CWC22: variants seen among roughly 807,000 people sequenced by gnomAD.
CWC22 encodes CWC22 spliceosome associated protein.
CWC22 carries 53 observed loss-of-function variants against 117.2 expected under a neutral mutation model. The observed-to-expected ratio is 0.45, with a 90% confidence interval of 0.36 to 0.57. CWC22 has a LOEUF of 0.57. CWC22 is among the 20% of genes least tolerant of loss of function. The probability of loss-of-function intolerance (pLI) is 0.00; values close to 1 mark genes in which losing one functional copy is unlikely to be tolerated. For missense variants in CWC22, 980 were observed against 1,068.8 expected, an observed-to-expected ratio of 0.92 and a Z score of 1.16; for synonymous variants, 360 against 355.6, an observed-to-expected ratio of 1.01 and a Z score of -0.14.
chr2:179,978,474 T>C (rs1369576477), intron 5 of CWC22, among the ~76,000 whole-genome samples, 156 bp from the exon 6 acceptor site: 2 of 147,600 alleles, frequency 1.4e-5, no homozygotes, highest in East Asian at 2.0e-4. Context: ...TCAGGATAAA[T>C]AGATTATATC....
intron 12 of CWC22, 55 bp downstream of exon 12, chr2:179,965,823 T>A (rs1374061946): frequency 8.0e-7 from 1 of 1,255,748 alleles, no homozygotes; most frequent in Non-Finnish European, 1.1e-6. Context: ...GAAGATTACA[T>A]TAGAATTAAT....
chr2:179,995,763 G>A (rs1400158283), intron 1 of CWC22, among the ~76,000 whole-genome samples: 2 of 152,188 alleles, frequency 1.3e-5, no homozygotes, highest in African/African-American at 4.8e-5. Context: ...CAACATGAGT[G>A]AGTTATCCCA....
intron 1 of CWC22, among the ~76,000 whole-genome samples, chr2:179,996,221 A>C (rs1279711555): frequency 6.6e-6 from 1 of 152,220 alleles, no homozygotes; most frequent in East Asian, 1.9e-4. Flanking sequence ...CTTAAGGAAA[A>C]AGACAATCAA....
chr2:179,994,174 T>C (rs771815749), intron 1 of CWC22, among the ~76,000 whole-genome samples: 3 of 152,152 alleles, frequency 2.0e-5, no homozygotes, highest in Non-Finnish European at 2.9e-5. Context: ...AAATATTTTA[T>C]TGGAAGTACA....
rs770598426 is a variant in CWC22 at position 179,965,907 on chromosome 2, T to G, written c.1286A>C (p.Glu429Ala). Residue 429 changes from glutamate (E) to alanine (A), a missense_variant, in exon 12 of 20, where the codon GAA becomes GCA. Transcript: ENST00000410053. ...TTCATCTTCTTCTCCCTCTTCCTCT[T>G]CTTCTTCCTCGTCCTCTTCACTACT... ...AGSSEEDEEE[E>A]EEEGEEDEEG... The G allele has an allele frequency of 1.9e-6, 3 of 1,585,620 alleles. No homozygotes were observed. In the South Asian group the frequency reaches 3.3e-5, roughly 18 times the overall value.
chr2:179,950,483 C>G, intron 19 of CWC22, 29 bp downstream of exon 19: 1 of 1,404,124 alleles, frequency 7.1e-7, no homozygotes. Context: ...TAGAAAAGAG[C>G]AAGCCAAATT....
intron 1 of CWC22, among the ~76,000 whole-genome samples, chr2:180,000,014 T>C (rs751937683): frequency 2.0e-5 from 3 of 152,066 alleles, no homozygotes; most frequent in Non-Finnish European, 4.4e-5. Context: ...AGGGAACAAA[T>C]AGGAGTAACA....
intron 8 of CWC22, among the ~76,000 whole-genome samples, chr2:179,971,393 G>A (rs1005008049): frequency 3.3e-5 from 5 of 152,066 alleles, no homozygotes; most frequent in African/African-American, 1.2e-4. Context: ...GATAAAATAT[G>A]TTAAAAATCA....
chr2:179,968,020 A>G (rs72960665), intron 11 of CWC22, among the ~76,000 whole-genome samples: 5,369 of 152,314 alleles, frequency 0.035, 124 homozygotes, highest in Non-Finnish European at 0.056. Context: ...GAGTTCCCCG[A>G]CACTTAGATT....
At chr2:179,971,184 A>G in intron 8 of CWC22, 108 bp from the exon 9 acceptor site, 1 of 754,204 alleles carries the variant, frequency 1.3e-6, no homozygotes, top group Non-Finnish European at 2.0e-6. Context: ...ATTATATTGC[A>G]CATATGATGG....
intron 11 of CWC22, among the ~76,000 whole-genome samples, chr2:179,966,884 A>C (rs1477124641): frequency 1.3e-5 from 2 of 152,186 alleles, no homozygotes; most frequent in Non-Finnish European, 2.9e-5. Flanking sequence ...AAGCAGTATA[A>C]ATCAGGAGAC....
intron 2 of CWC22, among the ~76,000 whole-genome samples, chr2:179,989,725 G>A (rs1395929082): frequency 6.6e-6 from 1 of 151,994 alleles, no homozygotes; most frequent in East Asian, 1.9e-4. Flanking sequence ...GAACCAAAAT[G>A]TTTACCTCTG....
Position 179,970,581 on chromosome 2 carries a change from G to C in CWC22, c.1148-18C>G. On this transcript the variant is annotated intron_variant, in intron 10 of 19. Coordinates refer to ENST00000410053, the MANE Select transcript of CWC22 (RefSeq NM_020943.3). ...GAAAACATCTAAAAAAAATGTAAAAGTTAATGTTTATTTTCTATATTTACA... is the reference window on the plus strand; with the variant it reads ...GAAAACATCTAAAAAAAATGTAAAACTTAATGTTTATTTTCTATATTTACA... 6.4e-7 allele frequency: 1 copy of C among 1,552,090 alleles called. No individual in the cohort carries two copies.
At chr2:179,957,353 G>T (rs1463968621) in intron 14 of CWC22, among the ~76,000 whole-genome samples, 2 of 152,064 alleles carry the variant, frequency 1.3e-5, no homozygotes, top group Admixed American at 1.3e-4. Flanking sequence ...TATATTTCAA[G>T]AATTAATCTA....
intron 1 of CWC22, among the ~76,000 whole-genome samples, chr2:180,001,612 G>A (rs1687852061): frequency 6.6e-6 from 1 of 152,172 alleles, no homozygotes; most frequent in Non-Finnish European, 1.5e-5. Flanking sequence ...TTCCAGGAGT[G>A]AGCCACCATG....
chr2:179,971,628 CT>C (rs939415711), intron 8 of CWC22, among the ~76,000 whole-genome samples: 5 of 152,182 alleles, frequency 3.3e-5, no homozygotes, highest in Middle Eastern at 3.4e-3. Flanking sequence ...AATAGTCTAT[CT>C]TTTTTTAAAA....
chr2:179,996,879 A>C (rs1187379690), intron 1 of CWC22, among the ~76,000 whole-genome samples: 1 of 84,108 alleles, frequency 1.2e-5, no homozygotes, highest in African/African-American at 4.1e-5. Flanking sequence ...TCTTTAAAGG[A>C]AGACAAAATG....
chr2:179,967,078 T>A (rs955045813), intron 11 of CWC22, among the ~76,000 whole-genome samples: 1 of 152,214 alleles, frequency 6.6e-6, no homozygotes, highest in Non-Finnish European at 1.5e-5. Context: ...GACAGACTTT[T>A]AAAAGAAACT....
At chr2:179,985,117 T>C (rs1687385804) in intron 4 of CWC22, among the ~76,000 whole-genome samples, 1 of 152,050 alleles carries the variant, frequency 6.6e-6, no homozygotes, top group South Asian at 2.1e-4. Flanking sequence ...TTACCAAATT[T>C]CTGTAACTAG....
Sources: gnomAD v4.1 joint callset for allele counts (sites outside exome capture counted in the v4.1 genomes callset) on GRCh38, gnomAD v4.1.1 for gene constraint, MANE v1.5 for transcripts, NCBI Gene and HGNC (gene_info 2026-07-23, HGNC 2026-07-21) for gene names.